Variants in ADARB2 observed in about 807,000 individuals in gnomAD.
ADARB2 encodes the protein inactive double-stranded RNA-specific editase B2.
ADARB2 carries 25 observed loss-of-function variants against 62.2 expected under a neutral mutation model. The ratio of observed to expected loss-of-function variants is 0.40; its 90% CI spans 0.29 to 0.56. The LOEUF (loss-of-function observed/expected upper bound fraction) is 0.56, where lower values mean the gene tolerates loss of function less well. Ranked by LOEUF, ADARB2 falls within the 20% of genes least tolerant of loss-of-function variation. The pLI is 0.43. For synonymous variants in ADARB2, 572 were observed against 500.8 expected, an observed-to-expected ratio of 1.14 and a Z score of -1.90; for missense variants, 1,071 against 1,077.4, an observed-to-expected ratio of 0.99 and a Z score of 0.08.
chr10:1,701,772 C>T (rs547561726), intron 1 of ADARB2, among the ~76,000 whole-genome samples: 40 of 134,616 alleles, frequency 3.0e-4, no homozygotes, highest in African/African-American at 1.1e-3. Context: ...AGTCAATACA[C>T]GCAATCCCAC....
intron 1 of ADARB2, among the ~76,000 whole-genome samples, chr10:1,671,182 G>A (rs1346669695): frequency 6.6e-6 from 1 of 152,142 alleles, no homozygotes; most frequent in Non-Finnish European, 1.5e-5. Flanking sequence ...CGGGGAGAGG[G>A]TGCTGGGCGC....
Position 1,672,869 on chromosome 10 carries a change from AAG to A in ADARB2, c.100+64180_100+64181del, listed in dbSNP as rs367711441. Reference sequence around the variant, plus strand: ...AAATCATTTTACAAATGAGACAACTAAGAGCTAGAAATGGAGAGTAATTACTC... The same window carrying A: ...AAATCATTTTACAAATGAGACAACTAAGCTAGAAATGGAGAGTAATTACTC... On this transcript the variant is annotated intron_variant, in intron 1 of 9. Coordinates refer to ENST00000381312, the MANE Select transcript of ADARB2 (RefSeq NM_018702.4). Among the ~76,000 whole-genome samples the A allele has an allele frequency of 3.8e-3, 571 of 152,148 alleles. 7 individuals carry two copies. The highest frequency in any genetic ancestry group is 0.013 in the African/African-American group (535 of 41,540).
intron 1 of ADARB2, among the ~76,000 whole-genome samples, chr10:1,724,836 C>T (rs1165113167): frequency 6.6e-6 from 1 of 152,164 alleles, no homozygotes; most frequent in Admixed American, 6.5e-5. Flanking sequence ...AGAATGTGGA[C>T]AGCCACAATG....
intron 1 of ADARB2, among the ~76,000 whole-genome samples, chr10:1,637,137 C>T (rs748923131): frequency 2.0e-4 from 30 of 152,276 alleles, no homozygotes; most frequent in Non-Finnish European, 4.1e-4. Context: ...ATACTTCTGC[C>T]TGAGCCATTT....
intron 1 of ADARB2, among the ~76,000 whole-genome samples, chr10:1,485,993 T>C (rs536239519): frequency 2.0e-5 from 3 of 152,326 alleles, no homozygotes; most frequent in African/African-American, 7.2e-5. Flanking sequence ...GGAATTAAAA[T>C]CTATTTCAGC....
intron 1 of ADARB2, among the ~76,000 whole-genome samples, chr10:1,581,516 G>A (rs184714146): frequency 9.8e-5 from 15 of 152,334 alleles, no homozygotes; most frequent in African/African-American, 9.6e-5. Flanking sequence ...AGCTGCCACC[G>A]TGACCAGGTA....
intron 1 of ADARB2, among the ~76,000 whole-genome samples, chr10:1,476,147 A>C (rs941479022): frequency 6.6e-6 from 1 of 152,194 alleles, no homozygotes; most frequent in East Asian, 1.9e-4. Flanking sequence ...AAGGAGAGAA[A>C]AAAGGAAGAG....
intron 8 of ADARB2, 76 bp downstream of exon 8, chr10:1,199,890 T>C: frequency 1.4e-6 from 2 of 1,392,456 alleles, no homozygotes; most frequent in Middle Eastern, 2.6e-4. Context: ...CTGCGAGGGA[T>C]GGCACCGCCG....
At chr10:1,362,923 C>T in intron 3 of ADARB2, 105 bp downstream of exon 3, 1 of 1,111,578 alleles carries the variant, frequency 9.0e-7, no homozygotes, top group Non-Finnish European at 1.2e-6. Context: ...CACGCGGCCT[C>T]TCCTTCTCCG....
At chr10:1,372,318 G>GA (rs1215121381) in intron 2 of ADARB2, among the ~76,000 whole-genome samples, 1 of 99,122 alleles carries the variant, frequency 1.0e-5, no homozygotes, top group Non-Finnish European at 2.9e-5. Context: ...AGAAGGGGGA[G>GA]GGAGGAATGG....
At chr10:1,375,012 A>G (rs1203857544) in intron 2 of ADARB2, among the ~76,000 whole-genome samples, 27 of 152,150 alleles carry the variant, frequency 1.8e-4, no homozygotes, top group African/African-American at 6.3e-4. Flanking sequence ...TGTGGAGTGG[A>G]CACTGGCAGG....
At chr10:1,410,301 G>A (rs1832748597) in intron 1 of ADARB2, among the ~76,000 whole-genome samples, 1 of 135,612 alleles carries the variant, frequency 7.4e-6, no homozygotes. Context: ...TGGTGCTGAG[G>A]CCTGGCCGTG....
intron 3 of ADARB2, among the ~76,000 whole-genome samples, chr10:1,288,317 A>C (rs772854602): frequency 4.6e-5 from 7 of 152,274 alleles, no homozygotes; most frequent in Non-Finnish European, 1.0e-4. Flanking sequence ...TAGAATACGA[A>C]ACAGGAAACA....
At chr10:1,685,852 A>G (rs1249057339) in intron 1 of ADARB2, among the ~76,000 whole-genome samples, 1 of 152,166 alleles carries the variant, frequency 6.6e-6, no homozygotes, top group Non-Finnish European at 1.5e-5. Context: ...GGCTGGGGGA[A>G]CAAGGACTTC....
intron 4 of ADARB2, among the ~76,000 whole-genome samples, chr10:1,257,654 AAG>A (rs1373472439): frequency 6.6e-6 from 1 of 152,202 alleles, no homozygotes; most frequent in Non-Finnish European, 1.5e-5. Context: ...GTGTGTGGGA[AAG>A]AGAGGTGCGG....
chr10:1,586,209 C>T (rs1361762919), intron 1 of ADARB2, among the ~76,000 whole-genome samples: 2 of 152,114 alleles, frequency 1.3e-5, no homozygotes, highest in Non-Finnish European at 2.9e-5. Flanking sequence ...TGTTCACAAC[C>T]CCCAAATTAT....
chr10:1,698,855 G>T (rs916348117), intron 1 of ADARB2, among the ~76,000 whole-genome samples: 2 of 152,220 alleles, frequency 1.3e-5, no homozygotes, highest in African/African-American at 4.8e-5. Context: ...TGCCTCCCAA[G>T]TTCAAGCAGT....
intron 1 of ADARB2, among the ~76,000 whole-genome samples, chr10:1,539,630 C>T (rs1447601942): frequency 2.6e-5 from 4 of 152,214 alleles, no homozygotes; most frequent in African/African-American, 9.6e-5. Flanking sequence ...CTAGTTATTG[C>T]CTTCACTTTG....
chr10:1,287,133 C>T (rs938413883), intron 3 of ADARB2, among the ~76,000 whole-genome samples: 15 of 152,164 alleles, frequency 9.9e-5, no homozygotes, highest in African/African-American at 3.6e-4. Context: ...AACTCTCTGA[C>T]TTTGCTGCTG....
Sources: gnomAD v4.1 joint callset for allele counts (sites outside exome capture counted in the v4.1 genomes callset) on GRCh38, gnomAD v4.1.1 for gene constraint, MANE v1.5 for transcripts, NCBI Gene and HGNC (gene_info 2026-07-23, HGNC 2026-07-21) for gene names.